TNRC6B: variants seen among roughly 807,000 people sequenced by gnomAD.
The protein encoded by TNRC6B is trinucleotide repeat containing adaptor 6B, also known as trinucleotide repeat-containing gene 6B protein.
In TNRC6B, 52 loss-of-function variants were observed where a neutral mutation model predicts 203.6. That is an observed-to-expected ratio of 0.26 (90% CI 0.20 to 0.32). TNRC6B has a LOEUF of 0.32. Among genes scored for constraint, TNRC6B ranks in the 10% least tolerant of loss-of-function variants. The pLI is 1.00. For synonymous variants in TNRC6B, 838 were observed against 845.7 expected (o/e 0.99, Z 0.16); for missense variants, 1,923 against 2,286.2 (o/e 0.84, Z 3.24).
Position 40,235,216 on chromosome 22 carries a change from T to A in TNRC6B, c.6-10799T>A, listed in dbSNP as rs183004471. On this transcript the variant is annotated intron_variant, in intron 1 of 22. Transcript: ENST00000454349. ...ACAAGTCACATGTCTTAGGTGCATT[T>A]TGAAAACCCCTATTTAAATCTGTAT... Among the ~76,000 whole-genome samples, 26 of 152,342 alleles carry A rather than the reference T, an allele frequency of 1.7e-4. No individual in the cohort carries two copies. The East Asian group carries it at 4.4e-3, about 26-fold the overall frequency.
intron 3 of TNRC6B, among the ~76,000 whole-genome samples, chr22:40,127,226 C>CGGAA (rs1202039811): frequency 1.3e-5 from 2 of 152,172 alleles, no homozygotes; most frequent in African/African-American, 2.4e-5. Context: ...GAAAACAACT[C>CGGAA]TTTCCATTTC....
rs184739148 is a variant in TNRC6B, at chr22:40,215,152, C to G, written c.6-30863C>G. 4.7e-4 allele frequency among the ~76,000 whole-genome samples: 71 copies of G among 152,090 alleles called. 1 individual carries two copies. Among genetic ancestry groups the G allele is most frequent in the African/African-American group, 1.7e-3 (70 of 41,460 alleles). Reference sequence around the variant, plus strand: ...CATTGAATCACTTTAATTGGTGTCACTTTTTCTTAGTGGCACATGAAATAT... The same window carrying G: ...CATTGAATCACTTTAATTGGTGTCAGTTTTTCTTAGTGGCACATGAAATAT... On this transcript the variant is annotated intron_variant, in intron 1 of 22. Transcript: ENST00000454349.
In TNRC6B at chr22:40,266,234, T is replaced by C. The variant is rs1387554800; in HGVS notation, c.2004T>C (p.Asp668=). 6.2e-7 allele frequency: 1 copy of C among 1,603,832 alleles called. No individual in the cohort carries two copies. Among genetic ancestry groups the C allele is most frequent in the African/African-American group, 1.3e-5 (1 of 74,606 alleles). The change falls in exon 5 of 23, where the codon GAT becomes GAC. Residue 668 remains aspartate, a synonymous_variant. Coordinates refer to ENST00000454349, the MANE Select transcript of TNRC6B (RefSeq NM_001162501.2). ...TQTKNSGGWG[D]APSQSNQMKS... Reference sequence around the variant, plus strand: ...CCAAGAACTCAGGGGGCTGGGGAGATGCACCCAGCCAAAGCAATCAAATGA... The same window carrying C: ...CCAAGAACTCAGGGGGCTGGGGAGACGCACCCAGCCAAAGCAATCAAATGA...
chr22:40,218,111 C>T (rs576065493), intron 1 of TNRC6B, among the ~76,000 whole-genome samples: 4 of 151,932 alleles, frequency 2.6e-5, no homozygotes, highest in African/African-American at 9.7e-5. Context: ...CTGTCCTTTA[C>T]AGACTATGGC....
Position 40,269,989 on chromosome 22 carries a change from A to G in TNRC6B, c.2807-133A>G, listed in dbSNP as rs1414517687. The G allele has an allele frequency of 1.2e-5, 10 of 861,070 alleles. No individual in the cohort carries two copies. The Admixed American group carries it at 1.3e-4, about 11-fold the overall frequency. The allele number at this position is 861,070 out of a possible 1,614,324, so 53.3% of individuals were successfully genotyped here. A position where few individuals can be genotyped will look rare whatever the true frequency, so the allele number is the denominator to read the frequency against. ...AAAGTAGCATTGCCAAATACCCCTCACATGAAAGTTGAATCTATTTACATT... is the reference window on the plus strand; with the variant it reads ...AAAGTAGCATTGCCAAATACCCCTCGCATGAAAGTTGAATCTATTTACATT... On this transcript the variant is annotated intron_variant, in intron 5 of 22. Transcript: ENST00000454349.
At chr22:40,132,177 A>T (rs1167373437) in intron 3 of TNRC6B, among the ~76,000 whole-genome samples, 1 of 152,088 alleles carries the variant, frequency 6.6e-6, no homozygotes, top group Non-Finnish European at 1.5e-5. Context: ...GCAAAACCCC[A>T]TCTCTACTAA....
intron 1 of TNRC6B, among the ~76,000 whole-genome samples, chr22:40,188,938 C>G (rs1322959886): frequency 2.0e-5 from 3 of 152,070 alleles, no homozygotes; most frequent in African/African-American, 7.2e-5. Flanking sequence ...ATTTAATGAT[C>G]ACTGAGGGTT....
intron 1 of TNRC6B, among the ~76,000 whole-genome samples, chr22:40,221,598 C>T (rs1168214374): frequency 2.0e-5 from 3 of 152,046 alleles, no homozygotes; most frequent in Admixed American, 6.6e-5. Context: ...TGCCACCATG[C>T]CCAGCTAATT....
intron 1 of TNRC6B, among the ~76,000 whole-genome samples, chr22:40,090,603 A>G (rs1361884078): frequency 6.6e-6 from 1 of 152,072 alleles, no homozygotes; most frequent in Non-Finnish European, 1.5e-5. Context: ...TATCAGATGT[A>G]TCTTTGTATT....
chr22:40,059,466 G>A (rs1245611886), intron 1 of TNRC6B, among the ~76,000 whole-genome samples: 1 of 152,088 alleles, frequency 6.6e-6, no homozygotes, highest in African/African-American at 2.4e-5. Flanking sequence ...TAATGTCCTG[G>A]CTAGTACTTC....
chr22:40,106,710 T>G, intron 1 of TNRC6B: 1 of 760,632 alleles, frequency 1.3e-6, no homozygotes, highest in Non-Finnish European at 2.4e-6. Context: ...AACGTTCCAT[T>G]GAAGATTTCA....
intron 3 of TNRC6B, among the ~76,000 whole-genome samples, chr22:40,153,688 TA>T (rs1192663465): frequency 1.3e-5 from 2 of 151,888 alleles, no homozygotes; most frequent in Non-Finnish European, 2.9e-5. Flanking sequence ...ATAGCACTGT[TA>T]GCACTGAATA....
intron 4 of TNRC6B, among the ~76,000 whole-genome samples, chr22:40,262,462 C>G (rs762435310): frequency 6.6e-6 from 1 of 152,066 alleles, no homozygotes; most frequent in Non-Finnish European, 1.5e-5. Flanking sequence ...TTTGAGCCTC[C>G]ATAGTTCCAC....
At chr22:40,227,749 T>C (rs978546180) in intron 1 of TNRC6B, among the ~76,000 whole-genome samples, 1 of 151,914 alleles carries the variant, frequency 6.6e-6, no homozygotes, top group Non-Finnish European at 1.5e-5. Flanking sequence ...ATTCTTTCAA[T>C]AGAAAAGAAA....
intron 3 of TNRC6B, among the ~76,000 whole-genome samples, chr22:40,256,326 C>G (rs1183783947): frequency 6.6e-6 from 1 of 151,970 alleles, no homozygotes; most frequent in Non-Finnish European, 1.5e-5. Flanking sequence ...GGGTGCAGAC[C>G]CTATTGTCAC....
chr22:40,052,987 C>T (rs1243129055), intron 1 of TNRC6B, among the ~76,000 whole-genome samples: 7 of 151,970 alleles, frequency 4.6e-5, no homozygotes, highest in Admixed American at 2.6e-4. Flanking sequence ...TCATGAATTA[C>T]GAAGGTGTAT....
intron 1 of TNRC6B, among the ~76,000 whole-genome samples, chr22:40,100,390 A>G (rs1045538234): frequency 1.3e-5 from 2 of 151,182 alleles, no homozygotes; most frequent in African/African-American, 2.4e-5. Flanking sequence ...CGCCTGGCCT[A>G]TTTTTTAGAG....
At chr22:40,222,768 G>A (rs2069731373) in intron 1 of TNRC6B, among the ~76,000 whole-genome samples, 1 of 29,388 alleles carries the variant, frequency 3.4e-5, no homozygotes, top group Admixed American at 5.6e-4. Context: ...TTTTGAGACG[G>A]AGTTTTGCTC....
intron 2 of TNRC6B, among the ~76,000 whole-genome samples, chr22:40,246,779 T>G (rs974715842): frequency 9.9e-5 from 15 of 152,124 alleles, no homozygotes; most frequent in East Asian, 1.9e-4. Context: ...GCCCCGGTGT[T>G]CTTTTGTTCC....
Sources: gnomAD v4.1 joint callset for allele counts (sites outside exome capture counted in the v4.1 genomes callset) on GRCh38, gnomAD v4.1.1 for gene constraint, MANE v1.5 for transcripts, NCBI Gene and HGNC (gene_info 2026-07-23, HGNC 2026-07-21) for gene names.